Variants in RTL4 observed in about 807,000 individuals in gnomAD.
The protein encoded by RTL4 is retrotransposon Gag like 4.
RTL4 carries 4 observed loss-of-function variants against 5.3 expected under a neutral mutation model. That is an observed-to-expected ratio of 0.75 (90% confidence interval 0.37 to 1.72). The LOEUF (loss-of-function observed/expected upper bound fraction) is 1.72, where lower values mean the gene tolerates loss of function less well. RTL4 is among the 40% of genes most tolerant of loss of function. The pLI is 0.04. For synonymous variants in RTL4, 98 were observed against 87.3 expected, an observed-to-expected ratio of 1.12 and a Z score of -0.68; for missense variants, 260 against 227.1, an observed-to-expected ratio of 1.14 and a Z score of -0.93.
At chrX:112,393,662 T>C in the RTL4 span, among the ~76,000 whole-genome samples, 1 of 111,838 alleles carries the variant, frequency 8.9e-6, no homozygotes, top group Non-Finnish European at 1.9e-5. Context: ...CCCCAAAGCC[T>C]TAAAGCTGGA....
the RTL4 span, among the ~76,000 whole-genome samples, chrX:112,245,130 T>C: frequency 9.0e-6 from 1 of 111,540 alleles, no homozygotes; most frequent in Non-Finnish European, 1.9e-5. Flanking sequence ...GCCTATCATT[T>C]TTTCCTTCAT....
the RTL4 span, among the ~76,000 whole-genome samples, chrX:112,383,002 A>C: frequency 1.8e-5 from 2 of 111,944 alleles, no homozygotes; most frequent in African/African-American, 6.5e-5. Flanking sequence ...TATTTGGACA[A>C]CTTTTTTTTA....
At chrX:112,217,980 A>G in the RTL4 span, among the ~76,000 whole-genome samples, 1 of 112,164 alleles carries the variant, frequency 8.9e-6, no homozygotes, top group African/African-American at 3.2e-5. Flanking sequence ...CTAAACAACA[A>G]ATCTTATTGA....
the RTL4 span, among the ~76,000 whole-genome samples, chrX:112,239,990 A>G: frequency 8.9e-6 from 1 of 112,278 alleles, no homozygotes; most frequent in East Asian, 2.8e-4. Context: ...AGCATCAACA[A>G]TGAGATGATT....
the RTL4 span, among the ~76,000 whole-genome samples, chrX:112,183,076 G>A: frequency 1.7e-4 from 19 of 112,073 alleles, no homozygotes; most frequent in Non-Finnish European, 3.2e-4. Flanking sequence ...CTTCATAAGC[G>A]AAGGAGAAAT....
At chrX:112,083,832 C>T in the RTL4 span, among the ~76,000 whole-genome samples, 2 of 111,465 alleles carry the variant, frequency 1.8e-5, no homozygotes, top group Non-Finnish European at 1.9e-5. Flanking sequence ...ACCCCCACCA[C>T]AAGCCTGAGA....
the RTL4 span, among the ~76,000 whole-genome samples, chrX:112,196,089 C>T: frequency 2.7e-5 from 3 of 111,189 alleles, no homozygotes; most frequent in African/African-American, 9.8e-5. Flanking sequence ...ATAATGTTTC[C>T]ATTGCCACTA....
chrX:112,444,807 T>C, the RTL4 span, among the ~76,000 whole-genome samples: 1 of 112,059 alleles, frequency 8.9e-6, no homozygotes, highest in African/African-American at 3.2e-5. Context: ...TAGTTGTTCA[T>C]AGTAGGAAAT....
At chrX:112,245,559 G>T in the RTL4 span, among the ~76,000 whole-genome samples, 8 of 111,517 alleles carry the variant, frequency 7.2e-5, no homozygotes, top group African/African-American at 2.6e-4. Context: ...GTCATTTAAG[G>T]TCTTCTCTAC....
At chrX:112,293,340 T>G in the RTL4 span, among the ~76,000 whole-genome samples, 29 of 112,640 alleles carry the variant, frequency 2.6e-4, no homozygotes, top group Admixed American at 4.7e-4. Context: ...CCTTGTCTTC[T>G]CCATTTTTCT....
At chrX:112,181,971 T>C in the RTL4 span, among the ~76,000 whole-genome samples, 2 of 111,295 alleles carry the variant, frequency 1.8e-5, no homozygotes, top group Non-Finnish European at 3.8e-5. Flanking sequence ...TGGGATGAAG[T>C]TTCCAGAGGA....
the RTL4 span, among the ~76,000 whole-genome samples, chrX:112,213,770 G>A: frequency 3.6e-5 from 4 of 109,829 alleles, no homozygotes; most frequent in African/African-American, 9.9e-5. Flanking sequence ...CTGAAACTCT[G>A]TACCAATTAA....
the RTL4 span, among the ~76,000 whole-genome samples, chrX:112,096,492 C>T: frequency 9.0e-6 from 1 of 111,666 alleles, no homozygotes; most frequent in Non-Finnish European, 1.9e-5. Context: ...AGCATAGATG[C>T]CATGCTTTCT....
chrX:112,282,974 G>A, the RTL4 span, among the ~76,000 whole-genome samples: 1 of 111,072 alleles, frequency 9.0e-6, no homozygotes, highest in Non-Finnish European at 1.9e-5. Context: ...AACTTTGTTG[G>A]GGTCATGATT....
the RTL4 span, among the ~76,000 whole-genome samples, chrX:112,103,213 A>G: frequency 8.9e-6 from 1 of 112,453 alleles, no homozygotes; most frequent in South Asian, 3.7e-4. Context: ...TAGATAAAAA[A>G]AAATGTGTTA....
chrX:112,310,205 T>G, the RTL4 span, among the ~76,000 whole-genome samples: 1 of 97,643 alleles, frequency 1.0e-5, no homozygotes, highest in Non-Finnish European at 2.0e-5. Context: ...TAGGTTTAGA[T>G]GAGGTCATGA....
At chrX:112,250,374 GT>G in the RTL4 span, among the ~76,000 whole-genome samples, 1 of 111,201 alleles carries the variant, frequency 9.0e-6, no homozygotes, top group Non-Finnish European at 1.9e-5. Flanking sequence ...TTTTTGTTTT[GT>G]TTTTTTCTGT....
At chrX:112,234,720 C>T in the RTL4 span, among the ~76,000 whole-genome samples, 1 of 111,934 alleles carries the variant, frequency 8.9e-6, no homozygotes, top group South Asian at 3.8e-4. Context: ...TCTTTTTATA[C>T]TCCAGAAAAT....
chrX:112,365,711 G>A, the RTL4 span, among the ~76,000 whole-genome samples: 14 of 111,443 alleles, frequency 1.3e-4, no homozygotes, highest in African/African-American at 4.2e-4. Context: ...TAGATCTTCT[G>A]CCTTTCACTC....
Sources: allele counts gnomAD v4.1 joint callset (sites outside exome capture counted in the v4.1 genomes callset), GRCh38; gene constraint gnomAD v4.1.1; transcripts MANE v1.5; gene names NCBI Gene and HGNC (gene_info 2026-07-23, HGNC 2026-07-21).